Variants in TGS1 observed in about 807,000 individuals in gnomAD.
TGS1 encodes trimethylguanosine synthase.
A neutral mutation model predicts 92.2 loss-of-function variants in TGS1; 69 were observed. The observed-to-expected ratio is 0.75, with a 90% confidence interval of 0.62 to 0.91. The LOEUF (loss-of-function observed/expected upper bound fraction) is 0.91. Among genes scored for constraint, TGS1 ranks in the 40% least tolerant of loss-of-function variants. TGS1 has a pLI of 0.00. For missense variants in TGS1, 1,062 were observed against 1,001.2 expected, an observed-to-expected ratio of 1.06 and a Z score of -0.82; for synonymous variants, 345 against 338.1, an observed-to-expected ratio of 1.02 and a Z score of -0.22.
intron 10 of TGS1, among the ~76,000 whole-genome samples, chr8:55,807,554 G>T (rs1323327724): frequency 6.6e-6 from 1 of 151,442 alleles, no homozygotes; most frequent in Admixed American, 6.6e-5. Context: ...TTGAGACAGG[G>T]TCTCACTATA....
chr8:55,824,930 T>TG lies in TGS1; in HGVS notation c.*227_*228insG. 2.8e-6 allele frequency: 1 copy of TG among 363,126 alleles called. No individual in the cohort carries two copies. The highest frequency in any genetic ancestry group is 4.8e-6 in the Non-Finnish European group (1 of 207,134). The allele number at this position is 363,126 out of a possible 1,614,324, so 22.5% of individuals were successfully genotyped here. A position where few individuals can be genotyped will look rare whatever the true frequency, so the allele number is the denominator to read the frequency against. On this transcript the variant is annotated 3_prime_UTR_variant, in exon 13 of 13. Transcript: ENST00000260129. ...ATATATATGAGTCCTTTGTAATTTA[T>TG]TTTTTTTTGAGACAGGATCTCACTT...
chr8:55,792,688 C>A lies in TGS1; in HGVS notation c.1281-10C>A, dbSNP rs1811919841. The A allele has an allele frequency of 6.2e-7, 1 of 1,607,454 alleles. No individual in the cohort carries two copies. Among genetic ancestry groups the A allele is most frequent in the Admixed American group, 1.7e-5 (1 of 59,958 alleles). On this transcript the variant is annotated splice_polypyrimidine_tract_variant and intron_variant, in intron 5 of 12. Coordinates refer to ENST00000260129, the MANE Select transcript of TGS1 (RefSeq NM_024831.8). ...AATGGCTTATCACTGTTTACCTTTT[C>A]TTTATTTAGCCATGAACTGGACATT...
At chr8:55,796,229 A>G in intron 7 of TGS1, 77 bp downstream of exon 7, 1 of 1,150,638 alleles carries the variant, frequency 8.7e-7, no homozygotes, top group Non-Finnish European at 1.2e-6. Flanking sequence ...TGTTGTATTC[A>G]AATAGGAAGC....
At chr8:55,819,286 A>C (rs1803566519) in intron 12 of TGS1, among the ~76,000 whole-genome samples, 1 of 105,512 alleles carries the variant, frequency 9.5e-6, no homozygotes, top group Non-Finnish European at 1.8e-5. Context: ...GATGCCTGGG[A>C]GATTTTTTTT....
chr8:55,813,450 T>C (rs1013238763), intron 12 of TGS1, among the ~76,000 whole-genome samples: 17 of 152,214 alleles, frequency 1.1e-4, no homozygotes, highest in African/African-American at 3.9e-4. Context: ...AAAGTGAGAC[T>C]GTCTCAAAAA....
intron 12 of TGS1, among the ~76,000 whole-genome samples, chr8:55,817,571 T>G (rs1426246318): frequency 6.6e-6 from 1 of 152,226 alleles, no homozygotes; most frequent in Non-Finnish European, 1.5e-5. Context: ...ATCTGTGTAT[T>G]TAATAAATAG....
At chr8:55,792,443 G>A (rs556892288) in intron 5 of TGS1, among the ~76,000 whole-genome samples, 1 of 152,228 alleles carries the variant, frequency 6.6e-6, no homozygotes, top group African/African-American at 2.4e-5. Flanking sequence ...CCATACCTAG[G>A]AATAGAAATC....
chr8:55,776,654 G>A (rs1459369820), intron 1 of TGS1, among the ~76,000 whole-genome samples: 1 of 152,146 alleles, frequency 6.6e-6, no homozygotes, highest in Non-Finnish European at 1.5e-5. Context: ...TGTGGCGCCG[G>A]GCTGTCTGCT....
At chr8:55,794,437 C>CA (rs1811981656) in intron 6 of TGS1, among the ~76,000 whole-genome samples, 1 of 152,114 alleles carries the variant, frequency 6.6e-6, no homozygotes, top group Non-Finnish European at 1.5e-5. Context: ...AATTGAAGGG[C>CA]ATTTGGATTA....
chr8:55,810,072 CA>C (rs1221948909), intron 10 of TGS1, among the ~76,000 whole-genome samples: 2 of 152,188 alleles, frequency 1.3e-5, no homozygotes, highest in Non-Finnish European at 1.5e-5. Flanking sequence ...CATTATTTCT[CA>C]AAAATGTTAA....
chr8:55,820,059 A>G (rs1320671685), intron 12 of TGS1, among the ~76,000 whole-genome samples: 1 of 152,238 alleles, frequency 6.6e-6, no homozygotes, highest in Non-Finnish European at 1.5e-5. Context: ...ATTTCTGCGT[A>G]TCATAGATAT....
intron 11 of TGS1, 29 bp downstream of exon 11, chr8:55,811,126 T>C: frequency 7.5e-7 from 1 of 1,337,566 alleles, no homozygotes; most frequent in Non-Finnish European, 1.0e-6. Flanking sequence ...AAGAGTTTAC[T>C]GAAACAATGA....
At chr8:55,791,427 A>G (rs1000377038) in intron 5 of TGS1, among the ~76,000 whole-genome samples, 2 of 152,250 alleles carry the variant, frequency 1.3e-5, no homozygotes, top group Non-Finnish European at 2.9e-5. Context: ...AGGCCTAACC[A>G]TAACTCTCAG....
At chr8:55,818,928 G>A (rs1419338722) in intron 12 of TGS1, among the ~76,000 whole-genome samples, 9 of 152,284 alleles carry the variant, frequency 5.9e-5, no homozygotes, top group Admixed American at 2.0e-4. Context: ...TGAACTGGTT[G>A]TTTTTGGGTT....
intron 12 of TGS1, among the ~76,000 whole-genome samples, chr8:55,822,080 T>TTTC (rs1803657212): frequency 2.6e-5 from 4 of 151,400 alleles, no homozygotes; most frequent in Non-Finnish European, 5.9e-5. Context: ...TTCTTTCTTT[T>TTTC]TTTTTTTGAG....
rs1410492377 is a variant in TGS1 at position 55,773,534 on chromosome 8, C to A, written c.-85C>A. ...CTCATCCAGGGCTTGCGGGCGAGGC[C>A]TGTTTTAAGTCTCCAGTAACCGAGC... On this transcript the variant is annotated 5_prime_UTR_variant, in exon 1 of 13. The change creates a new upstream start codon in the 5' untranslated region. Coordinates refer to ENST00000260129, the MANE Select transcript of TGS1 (RefSeq NM_024831.8). 1 of 1,021,382 alleles carries A rather than the reference C, an allele frequency of 9.8e-7. No individual in the cohort carries two copies. The highest frequency in any genetic ancestry group is 1.5e-6 in the Non-Finnish European group (1 of 688,908). 63.3% of individuals were successfully genotyped at this position (1,021,382 alleles called of 1,614,324 possible).
At chr8:55,807,360 T>C (rs920938274) in intron 10 of TGS1, among the ~76,000 whole-genome samples, 3 of 152,180 alleles carry the variant, frequency 2.0e-5, no homozygotes, top group African/African-American at 4.8e-5. Flanking sequence ...TGCTTGACTT[T>C]GGGATCACAA....
chr8:55,817,049 G>C (rs144807921), intron 12 of TGS1, among the ~76,000 whole-genome samples: 1 of 151,948 alleles, frequency 6.6e-6, no homozygotes, highest in African/African-American at 2.4e-5. Flanking sequence ...ATTTTTAGTA[G>C]AGACAGGGTT....
rs1254309826 is a variant in TGS1, at chr8:55,786,922, C to T, written c.1024C>T (p.His342Tyr). The T allele has an allele frequency of 2.5e-6, 4 of 1,614,128 alleles. No homozygotes were observed. The highest frequency in any genetic ancestry group is 2.5e-6 in the Non-Finnish European group (3 of 1,180,020). Residue 342 changes from histidine to tyrosine, a missense_variant, in exon 4 of 13, where the codon CAT becomes TAT. By Grantham distance (83) the His-to-Tyr change is moderately conservative. Coordinates refer to ENST00000260129, the MANE Select transcript of TGS1 (RefSeq NM_024831.8). Reference protein sequence around the residue: ...TQSQLDSCTSHDGHQQLSEVS... With the variant: ...TQSQLDSCTSYDGHQQLSEVS... ...GAGCCAATTAGATTCCTGTACAAGT[C>T]ATGATGGTCATCAACAGCTAAGTGA...
Sources: gnomAD v4.1 joint callset for allele counts (sites outside exome capture counted in the v4.1 genomes callset) on GRCh38, gnomAD v4.1.1 for gene constraint, MANE v1.5 for transcripts, NCBI Gene and HGNC (gene_info 2026-07-23, HGNC 2026-07-21) for gene names.